Variants in ARHGAP15 observed in about 807,000 individuals in gnomAD.
ARHGAP15 encodes rho GTPase-activating protein 15.
ARHGAP15 carries 51 observed loss-of-function variants against 63.7 expected under a neutral mutation model. The observed-to-expected ratio is 0.80, with a 90% CI of 0.64 to 1.01. ARHGAP15 has a LOEUF of 1.01. ARHGAP15 is among the 50% of genes least tolerant of loss of function. ARHGAP15 has a pLI of 0.00. For synonymous variants in ARHGAP15, 191 were observed against 193.8 expected (o/e 0.99, Z 0.12); for missense variants, 560 against 564.6 (o/e 0.99, Z 0.08).
At chr2:143,316,975 T>C (rs1683749070) in intron 6 of ARHGAP15, among the ~76,000 whole-genome samples, 1 of 152,198 alleles carries the variant, frequency 6.6e-6, no homozygotes, top group African/African-American at 2.4e-5. Flanking sequence ...AGGTGTCTGC[T>C]CAAATGGTAG....
chr2:143,330,125 A>T lies in ARHGAP15; in HGVS notation c.474+79525A>T, dbSNP rs1186287761. Among the ~76,000 whole-genome samples, 82 of 90,284 alleles carry T rather than the reference A, an allele frequency of 9.1e-4. 3 individuals are homozygous for T. The highest frequency in any genetic ancestry group is 1.9e-3 in the African/African-American group (44 of 23,462). The allele number at this position is 90,284 out of a possible 152,430, so 59.2% of individuals were successfully genotyped here. ...AAAAAAAAAAAAAAAAAAAAAAAAA[A>T]AAAAAACCAAAAACAAAAAACTAAA... On this transcript the variant is annotated intron_variant, in intron 6 of 13. Transcript: ENST00000295095.
chr2:143,449,818 A>C (rs1386308908), intron 8 of ARHGAP15, among the ~76,000 whole-genome samples: 2 of 151,882 alleles, frequency 1.3e-5, no homozygotes, highest in African/African-American at 2.4e-5. Context: ...TTTCATGTCT[A>C]CCTTTTTTTA....
chr2:143,288,762 G>T (rs1052089229), intron 6 of ARHGAP15, among the ~76,000 whole-genome samples: 3 of 151,162 alleles, frequency 2.0e-5, no homozygotes, highest in African/African-American at 7.3e-5. Context: ...TATTAAAGGT[G>T]CCATCTCAGC....
chr2:143,528,060 T>A (rs1316392272), intron 10 of ARHGAP15, among the ~76,000 whole-genome samples: 1 of 152,106 alleles, frequency 6.6e-6, no homozygotes, highest in Non-Finnish European at 1.5e-5. Context: ...ATGATTTTAT[T>A]TTCATCGATT....
chr2:143,348,395 C>A (rs1685396882), intron 6 of ARHGAP15, among the ~76,000 whole-genome samples: 1 of 152,042 alleles, frequency 6.6e-6, no homozygotes, highest in African/African-American at 2.4e-5. Context: ...CTTTGTCATT[C>A]TTTATGATAT....
rs556823869 is a variant in ARHGAP15 at position 143,287,572 on chromosome 2, G to A, written c.474+36972G>A. Reference sequence around the variant, plus strand: ...TGTAATCCCAGCACTTTGGGAGGCCGAGGCAGGTGGATTACCTGAGGTCAG... The same window carrying A: ...TGTAATCCCAGCACTTTGGGAGGCCAAGGCAGGTGGATTACCTGAGGTCAG... On this transcript the variant is annotated intron_variant, in intron 6 of 13. Transcript: ENST00000295095. 3.9e-5 allele frequency among the ~76,000 whole-genome samples: 6 copies of A among 152,124 alleles called. No individual in the cohort carries two copies. In the South Asian group the frequency reaches 6.2e-4, roughly 16 times the overall value.
chr2:143,478,774 T>G (rs1691940675), intron 8 of ARHGAP15, among the ~76,000 whole-genome samples: 1 of 152,238 alleles, frequency 6.6e-6, no homozygotes, highest in Non-Finnish European at 1.5e-5. Flanking sequence ...TTTAGAAGAA[T>G]TATGTATAAC....
chr2:143,208,454 A>C (rs1231316250), intron 3 of ARHGAP15, among the ~76,000 whole-genome samples: 1 of 152,178 alleles, frequency 6.6e-6, no homozygotes, highest in Non-Finnish European at 1.5e-5. Flanking sequence ...AACAGAACAA[A>C]GCATTTATTT....
chr2:143,274,845 C>A (rs1379175875), intron 6 of ARHGAP15, among the ~76,000 whole-genome samples: 3 of 152,112 alleles, frequency 2.0e-5, no homozygotes, highest in East Asian at 3.8e-4. Flanking sequence ...AGCAGGCCAC[C>A]ACTCTTGGTA....
intron 12 of ARHGAP15, among the ~76,000 whole-genome samples, chr2:143,671,611 T>G (rs1405154871): frequency 6.6e-6 from 1 of 152,178 alleles, no homozygotes; most frequent in Non-Finnish European, 1.5e-5. Context: ...AGTCATTGCA[T>G]TTACTTCAGG....
chr2:143,410,098 C>T (rs918238668), intron 6 of ARHGAP15, among the ~76,000 whole-genome samples: 2 of 152,058 alleles, frequency 1.3e-5, no homozygotes, highest in African/African-American at 4.8e-5. Context: ...TGTTGGTACA[C>T]ATCATTTTGA....
intron 13 of ARHGAP15, among the ~76,000 whole-genome samples, chr2:143,755,902 G>A (rs1686558527): frequency 6.6e-6 from 1 of 151,950 alleles, no homozygotes; most frequent in South Asian, 2.1e-4. Context: ...GGAGGCAGAG[G>A]TTGCAGCGAG....
chr2:143,662,235 C>A (rs1184189997), intron 12 of ARHGAP15, among the ~76,000 whole-genome samples: 9 of 151,920 alleles, frequency 5.9e-5, no homozygotes, highest in Non-Finnish European at 1.0e-4. Context: ...GGGCAGACTG[C>A]CTCCTCAAGT....
chr2:143,669,949 C>T (rs940604515), intron 12 of ARHGAP15, among the ~76,000 whole-genome samples: 3 of 152,134 alleles, frequency 2.0e-5, no homozygotes, highest in African/African-American at 7.2e-5. Context: ...TTTAGGCTGA[C>T]ACAAGCAACA....
chr2:143,374,784 T>C (rs571968506), intron 6 of ARHGAP15, among the ~76,000 whole-genome samples: 1 of 152,306 alleles, frequency 6.6e-6, no homozygotes, highest in Admixed American at 6.5e-5. Flanking sequence ...ATTACAGGCA[T>C]GAGCTACTGC....
At chr2:143,478,482 C>A (rs1484010688) in intron 8 of ARHGAP15, among the ~76,000 whole-genome samples, 1 of 152,156 alleles carries the variant, frequency 6.6e-6, no homozygotes. Context: ...GACAGCATTG[C>A]CACACAGATG....
chr2:143,763,708 ATG>A (rs201042492), intron 13 of ARHGAP15, among the ~76,000 whole-genome samples: 2 of 139,926 alleles, frequency 1.4e-5, no homozygotes, highest in Admixed American at 1.5e-4. Flanking sequence ...GTGTATGTAT[ATG>A]TGTATGTATA....
intron 6 of ARHGAP15, among the ~76,000 whole-genome samples, chr2:143,316,361 T>G (rs1336680339): frequency 6.6e-6 from 1 of 151,738 alleles, no homozygotes; most frequent in Non-Finnish European, 1.5e-5. Flanking sequence ...GCCAAGATTT[T>G]CAGGCAGTTT....
rs555080316 is a variant in ARHGAP15, at chr2:143,553,307, C to T, written c.926-3101C>T. The stretch of plus-strand genomic sequence containing the variant: ...TATGTAATTTAAAAAGTATGATAGC[C>T]GGAGAGCATGAGCCATTCAAAGCAG... On this transcript the variant is annotated intron_variant, in intron 10 of 13. Transcript: ENST00000295095. Among the ~76,000 whole-genome samples, 7 of 152,134 alleles carry T rather than the reference C, an allele frequency of 4.6e-5. No individual in the cohort carries two copies. In the South Asian group the frequency reaches 8.3e-4, roughly 18 times the overall value.
Sources: gnomAD v4.1 joint callset for allele counts (sites outside exome capture counted in the v4.1 genomes callset) on GRCh38, gnomAD v4.1.1 for gene constraint, MANE v1.5 for transcripts, NCBI Gene and HGNC (gene_info 2026-07-23, HGNC 2026-07-21) for gene names.